The following FOXO1 variants were observed in gnomAD, a reference collection of about 807,000 sequenced individuals.
FOXO1 encodes forkhead box protein O1.
FOXO1 carries 6 observed loss-of-function variants against 44.1 expected under a neutral mutation model. The ratio of observed to expected loss-of-function variants is 0.14; its 90% CI spans 0.07 to 0.27. The LOEUF (loss-of-function observed/expected upper bound fraction) is 0.27. FOXO1 is among the 10% of genes least tolerant of loss of function. The pLI, the probability that FOXO1 is intolerant of heterozygous loss-of-function variation, is 1.00. For missense variants in FOXO1, 737 were observed against 888.8 expected (o/e 0.83, Z 2.17); for synonymous variants, 380 against 362.7 (o/e 1.05, Z -0.54).
At chr13:40,664,234 C>T (rs937941229) in intron 1 of FOXO1, among the ~76,000 whole-genome samples, 1 of 152,134 alleles carries the variant, frequency 6.6e-6, no homozygotes, top group Non-Finnish European at 1.5e-5. Context: ...GATCGCGCCA[C>T]GGTACTCCAG....
chr13:40,644,385 G>A (rs1877448355), intron 1 of FOXO1, among the ~76,000 whole-genome samples: 1 of 152,192 alleles, frequency 6.6e-6, no homozygotes, highest in Non-Finnish European at 1.5e-5. Context: ...CAAGGAGAGT[G>A]AGGACTTTAC....
chr13:40,589,460 T>C (rs1875290864), intron 1 of FOXO1, among the ~76,000 whole-genome samples: 1 of 152,238 alleles, frequency 6.6e-6, no homozygotes, highest in African/African-American at 2.4e-5. Context: ...AGTATGTAAG[T>C]GTCACTAAAA....
At chr13:40,620,299 T>C in intron 1 of FOXO1, 4 of 995,276 alleles carry the variant, frequency 4.0e-6, no homozygotes, top group Middle Eastern at 2.1e-4. Flanking sequence ...TCATCCAGAG[T>C]AGGGCTAACA....
chr13:40,603,135 G>A (rs1031421215), intron 1 of FOXO1, among the ~76,000 whole-genome samples: 1 of 152,114 alleles, frequency 6.6e-6, no homozygotes, highest in African/African-American at 2.4e-5. Flanking sequence ...TACGATGCCT[G>A]TACCGTGTAT....
At chr13:40,578,261 A>G (rs540690229) in intron 1 of FOXO1, among the ~76,000 whole-genome samples, 10 of 152,292 alleles carry the variant, frequency 6.6e-5, no homozygotes, top group Non-Finnish European at 1.3e-4. Flanking sequence ...CCCTAAGCCA[A>G]TAAACTCTGC....
chr13:40,641,791 G>C (rs1566083012), intron 1 of FOXO1, among the ~76,000 whole-genome samples: 1 of 151,964 alleles, frequency 6.6e-6, no homozygotes, highest in African/African-American at 2.4e-5. Flanking sequence ...TTCAAGACCA[G>C]CCTGGCCAAC....
chr13:40,660,775 T>A (rs1878008145), intron 1 of FOXO1, among the ~76,000 whole-genome samples: 2 of 152,136 alleles, frequency 1.3e-5, no homozygotes, highest in African/African-American at 4.8e-5. Flanking sequence ...AGTCAAGTGT[T>A]TGTCACTTAA....
chr13:40,654,905 G>A (rs1877808643), intron 1 of FOXO1, among the ~76,000 whole-genome samples: 1 of 152,062 alleles, frequency 6.6e-6, no homozygotes, highest in African/African-American at 2.4e-5. Flanking sequence ...GAACCCTCAG[G>A]GAACCCTCCC....
rs911298993 is a variant in FOXO1, at chr13:40,583,085, A to C, written c.631-22225T>G. ...GTTAGCAGACAAGAAAACACCACTAATCTGCTTGTACATCTCCATCAAAGC... is the reference window on the plus strand; with the variant it reads ...GTTAGCAGACAAGAAAACACCACTACTCTGCTTGTACATCTCCATCAAAGC... On this transcript the variant is annotated intron_variant, in intron 1 of 2. Transcript: ENST00000379561. 3.9e-5 allele frequency among the ~76,000 whole-genome samples: 6 copies of C among 152,300 alleles called. 1 individual carries two copies. The South Asian group carries it at 8.3e-4, about 21-fold the overall frequency.
rs1877089794 is a variant in FOXO1, at chr13:40,634,773, G to T, written c.630+30810C>A. Among the ~76,000 whole-genome samples the T allele has an allele frequency of 2.6e-5, 4 of 152,106 alleles. No individual in the cohort carries two copies. The South Asian group carries it at 6.2e-4, about 24-fold the overall frequency. On this transcript the variant is annotated intron_variant, in intron 1 of 2. Coordinates refer to ENST00000379561, the MANE Select transcript of FOXO1 (RefSeq NM_002015.4). ...CAGCTTACTGCAACCTCCACCTCCT[G>T]GGCTCAAGCAATTCTCCTTCCTCAG... is the stretch of plus-strand genomic sequence containing the variant.
intron 1 of FOXO1, among the ~76,000 whole-genome samples, chr13:40,577,216 AG>A (rs1367428793): frequency 7.5e-6 from 1 of 133,402 alleles, no homozygotes; most frequent in Non-Finnish European, 1.5e-5. Flanking sequence ...CATGCATACT[AG>A]AAGACAAGTG....
At chr13:40,621,511 A>C (rs1448570041) in intron 1 of FOXO1, among the ~76,000 whole-genome samples, 6 of 152,238 alleles carry the variant, frequency 3.9e-5, no homozygotes, top group African/African-American at 1.2e-4. Flanking sequence ...ATAAAGAGGA[A>C]ATTTATATAA....
At chr13:40,653,732 A>G (rs61348279) in intron 1 of FOXO1, among the ~76,000 whole-genome samples, 98 of 152,274 alleles carry the variant, frequency 6.4e-4, no homozygotes, top group African/African-American at 2.3e-3. Flanking sequence ...TCACTTGGCT[A>G]CTTTCAGATT....
intron 1 of FOXO1, among the ~76,000 whole-genome samples, chr13:40,649,274 A>T: frequency 6.6e-6 from 1 of 152,180 alleles, no homozygotes; most frequent in Middle Eastern, 3.2e-3. Context: ...TTACTCTACA[A>T]TCTGAAGTGT....
chr13:40,649,452 T>C (rs1283618125), intron 1 of FOXO1, among the ~76,000 whole-genome samples: 1 of 152,164 alleles, frequency 6.6e-6, no homozygotes, highest in African/African-American at 2.4e-5. Flanking sequence ...TGAAAGTGTT[T>C]TCCTTTTCCC....
intron 1 of FOXO1, among the ~76,000 whole-genome samples, chr13:40,631,915 T>C (rs746944728): frequency 1.6e-4 from 25 of 152,180 alleles, no homozygotes; most frequent in Admixed American, 3.9e-4. Flanking sequence ...ACGGTTAAGA[T>C]AGTGTATTTT....
chr13:40,559,402 G>T, intron 2 of FOXO1, 107 bp downstream of exon 2: 2 of 998,134 alleles, frequency 2.0e-6, no homozygotes. Context: ...CTCTCTGCAA[G>T]GGACAGTCAG....
intron 1 of FOXO1, among the ~76,000 whole-genome samples, chr13:40,598,296 G>C (rs921848273): frequency 2.6e-5 from 4 of 152,052 alleles, no homozygotes; most frequent in African/African-American, 9.7e-5. Flanking sequence ...TGGGCAGGAT[G>C]GTAGTTTTTA....
At chr13:40,589,930 T>C (rs565950675) in intron 1 of FOXO1, among the ~76,000 whole-genome samples, 58 of 152,300 alleles carry the variant, frequency 3.8e-4, no homozygotes, top group African/African-American at 1.1e-3. Context: ...GAAACAACTA[T>C]GCAAAGAAGG....
Sources: allele counts gnomAD v4.1 joint callset (sites outside exome capture counted in the v4.1 genomes callset), GRCh38; gene constraint gnomAD v4.1.1; transcripts MANE v1.5; gene names NCBI Gene and HGNC (gene_info 2026-07-23, HGNC 2026-07-21).